Variants in TUBGCP5 observed in about 807,000 individuals in gnomAD.
TUBGCP5 encodes tubulin gamma complex component 5, also known as gamma-tubulin complex component 5.
Under a neutral mutation model 134.7 loss-of-function variants are expected in TUBGCP5, and 98 were observed. That is an observed-to-expected ratio of 0.73 (90% CI 0.62 to 0.86). The LOEUF is 0.86. TUBGCP5 is among the 40% of genes least tolerant of loss of function. The pLI is 0.00. For missense variants in TUBGCP5, 1,150 were observed against 1,244.8 expected (o/e 0.92, Z 1.15); for synonymous variants, 456 against 431.4 (o/e 1.06, Z -0.71).
chr15:23,006,196 A>G, intron 17 of TUBGCP5, 24 bp from the exon 18 acceptor site: 2 of 1,610,466 alleles, frequency 1.2e-6, no homozygotes, highest in Non-Finnish European at 1.7e-6. Flanking sequence ...ACAAAATTAG[A>G]AAGTAACCAA....
At chr15:23,018,235 G>A (rs1567135087) in intron 12 of TUBGCP5, among the ~76,000 whole-genome samples, 194 bp from the exon 13 acceptor site, 2 of 152,142 alleles carry the variant, frequency 1.3e-5, no homozygotes, top group East Asian at 3.8e-4. Context: ...TTTGAATAGT[G>A]TAAGTAAAAT....
Position 23,005,884 on chromosome 15 carries a change from C to G in TUBGCP5, c.2533+168G>C, listed in dbSNP as rs1470603545. ...GCATTTGATGTCCATAAAACTACTG[C>G]TAGAATACGCACCATTTTGGCATTT... On this transcript the variant is annotated intron_variant, in intron 18 of 22. Transcript: ENST00000615383. 5.4e-6 allele frequency: 4 copies of G among 737,264 alleles called. No homozygotes were observed. In the East Asian group the frequency reaches 1.1e-4, roughly 20 times the overall value. The allele number at this position is 737,264 out of a possible 1,614,324, so 45.7% of individuals were successfully genotyped here. A position where few individuals can be genotyped will look rare whatever the true frequency, so the allele number is the denominator to read the frequency against.
intron 13 of TUBGCP5, among the ~76,000 whole-genome samples, chr15:23,011,875 G>A (rs2065053050): frequency 1.3e-5 from 2 of 150,454 alleles, no homozygotes; most frequent in South Asian, 4.2e-4. Context: ...CAGCACTTTG[G>A]GAGGCTGAGG....
intron 3 of TUBGCP5, 39 bp from the exon 4 acceptor site, chr15:23,032,863 G>T: frequency 7.0e-7 from 1 of 1,437,036 alleles, no homozygotes. Flanking sequence ...TCTGAGGTTG[G>T]GAAATGCTTT....
intron 18 of TUBGCP5, 66 bp from the exon 19 acceptor site, chr15:23,005,676 C>T (rs1567107835): frequency 5.4e-6 from 8 of 1,495,278 alleles, no homozygotes; most frequent in Middle Eastern, 1.9e-4. Flanking sequence ...TGCACCATGA[C>T]GCCTGGCAGA....
intron 23 of TUBGCP5, among the ~76,000 whole-genome samples, chr15:22,991,130 G>A (rs2015952): frequency 0.34 from 51,651 of 150,874 alleles, 9,352 homozygotes; most frequent in African/African-American, 0.41. Context: ...ACGGAGTCTC[G>A]CGCGCTCACC....
intron 14 of TUBGCP5, among the ~76,000 whole-genome samples, chr15:23,010,634 T>A (rs1178776847): frequency 6.6e-6 from 1 of 152,062 alleles, no homozygotes; most frequent in Non-Finnish European, 1.5e-5. Context: ...CGACATGGAA[T>A]CCAAACTATA....
rs553890052 is a variant in TUBGCP5 at position 23,008,057 on chromosome 15, G to A, written c.2327+642C>T. 1.4e-3 allele frequency among the ~76,000 whole-genome samples: 214 copies of A among 152,234 alleles called. 1 individual carries two copies. The highest frequency in any genetic ancestry group is 4.9e-3 in the African/African-American group (202 of 41,540). On this transcript the variant is annotated intron_variant, in intron 16 of 22. Transcript: ENST00000615383. ...GGAGGCCATCAGACCCTGACAGGTCGTATGGTGGCAACTTTTTTCTTTTTT... is the reference window on the plus strand; with the variant it reads ...GGAGGCCATCAGACCCTGACAGGTCATATGGTGGCAACTTTTTTCTTTTTT...
chr15:23,029,052 A>G (rs1316741671), intron 6 of TUBGCP5, among the ~76,000 whole-genome samples: 4 of 152,172 alleles, frequency 2.6e-5, no homozygotes, highest in African/African-American at 9.7e-5. Context: ...ACATATGTAG[A>G]AATTAACAAA....
At chr15:22,995,602 C>CA (rs1483198648), downstream of TUBGCP5, among the ~76,000 whole-genome samples, 2 of 150,886 alleles carry the variant, frequency 1.3e-5, no homozygotes, top group African/African-American at 4.9e-5. Flanking sequence ...AAACAAAAAC[C>CA]AAAAAAACCC....
At chr15:23,038,033 G>A (rs1567176350) in intron 1 of TUBGCP5, among the ~76,000 whole-genome samples, 1 of 152,104 alleles carries the variant, frequency 6.6e-6, no homozygotes, top group East Asian at 1.9e-4. Flanking sequence ...TAAAGTGCTG[G>A]GATTACAGGC....
chr15:23,039,522 A>G lies in TUBGCP5; in HGVS notation c.22T>C (p.Trp8Arg). 1 of 1,492,480 alleles carries G rather than the reference A, an allele frequency of 6.7e-7. No homozygotes were observed. Among genetic ancestry groups the G allele is most frequent in the South Asian group, 1.3e-5 (1 of 78,102 alleles). 92.5% of individuals were successfully genotyped at this position (1,492,480 alleles called of 1,614,324 possible). The change falls in exon 1 of 23, where the codon TGG becomes CGG. Residue 8 changes from tryptophan to arginine, a missense_variant. Transcript: ENST00000615383. MARHGPP[W>R]SRLDAQQERD... ...TCCTGCTGCGCGTCCAACCGACTCC[A>G]CGGTGGCCCGTGCCGCGCCATGTTC... is the stretch of plus-strand genomic sequence containing the variant.
At chr15:23,008,572 A>G in intron 16 of TUBGCP5, 127 bp downstream of exon 16, 1 of 1,223,438 alleles carries the variant, frequency 8.2e-7, no homozygotes, top group African/African-American at 1.5e-5. Context: ...TTTTCTAATA[A>G]GTAAAATAAT....
chr15:22,986,990 G>A (rs2063699066), intron 23 of TUBGCP5, among the ~76,000 whole-genome samples: 1 of 152,136 alleles, frequency 6.6e-6, no homozygotes, highest in Admixed American at 6.5e-5. Context: ...TATGCACTAT[G>A]GGGGCTGGCT....
downstream of TUBGCP5, among the ~76,000 whole-genome samples, chr15:22,997,800 T>C (rs2064162674): frequency 6.6e-6 from 1 of 150,780 alleles, no homozygotes; most frequent in Non-Finnish European, 1.5e-5. Context: ...GTATTTTTAG[T>C]AGAGACAAGG....
At chr15:23,005,115 G>A (rs2064625654) in intron 19 of TUBGCP5, among the ~76,000 whole-genome samples, 3 of 152,138 alleles carry the variant, frequency 2.0e-5, no homozygotes, top group Non-Finnish European at 4.4e-5. Context: ...CCATTTTTTA[G>A]GGACAGCTGT....
Position 23,032,777 on chromosome 15 carries a change from GTC to G in TUBGCP5, c.355_356del (p.Asp119LeufsTer14), listed in dbSNP as rs755660949. ...SILSLLLCLS[D>X]SPSNSSYVET... ...CCACATAACTGCTGTTTGAAGGAGA[GTC>G]TGACAGACACAGAAGAAGTGACAGT... is the stretch of plus-strand genomic sequence containing the variant. On this transcript the variant is annotated frameshift_variant, in exon 4 of 23. Transcript: ENST00000615383. LOFTEE classifies it high-confidence loss of function. 6.3e-7 allele frequency: 1 copy of G among 1,596,652 alleles called. No homozygotes were observed. The highest frequency in any genetic ancestry group is 8.5e-7 in the Non-Finnish European group (1 of 1,173,704).
chr15:23,030,797 T>C (rs2066263698), intron 6 of TUBGCP5, 88 bp downstream of exon 6: 1 of 1,511,602 alleles, frequency 6.6e-7, no homozygotes, highest in Non-Finnish European at 8.9e-7. Context: ...GCCAATACCT[T>C]GATTACATGG....
intron 6 of TUBGCP5, among the ~76,000 whole-genome samples, chr15:23,029,059 C>T (rs1042648900): frequency 1.3e-4 from 19 of 151,894 alleles, no homozygotes; most frequent in Admixed American, 1.2e-3. Context: ...TAGAAATTAA[C>T]AAATGAACAC....
Sources: allele counts gnomAD v4.1 joint callset (sites outside exome capture counted in the v4.1 genomes callset), GRCh38; gene constraint gnomAD v4.1.1; transcripts MANE v1.5; gene names NCBI Gene and HGNC (gene_info 2026-07-23, HGNC 2026-07-21).